The following STAT4 variants were observed in gnomAD, a reference collection of about 807,000 sequenced individuals.
The protein encoded by STAT4 is signal transducer and activator of transcription 4.
In STAT4, 42 loss-of-function variants were observed where a neutral mutation model predicts 110.5. The ratio of observed to expected loss-of-function variants is 0.38; its 90% CI spans 0.30 to 0.49. STAT4 has a LOEUF of 0.49. Ranked by LOEUF, STAT4 falls within the 20% of genes least tolerant of loss-of-function variation. The pLI is 0.95. For missense variants in STAT4, 632 were observed against 887.9 expected (o/e 0.71, Z 3.66); for synonymous variants, 284 against 302.2 (o/e 0.94, Z 0.63).
In STAT4 at chr2:191,086,046, C is replaced by T. The variant is rs1232453968; in HGVS notation, c.274-9721G>A. Among the ~76,000 whole-genome samples, 3 of 152,064 alleles carry T rather than the reference C, an allele frequency of 2.0e-5. No homozygotes were observed. Among genetic ancestry groups the T allele is most frequent in the Non-Finnish European group, 2.9e-5 (2 of 68,010 alleles). On this transcript the variant is annotated intron_variant, in intron 3 of 23. Transcript: ENST00000392320. This position sits in a 1 kb window ranked among gnomAD's most constrained non-coding sequence, Gnocchi z 5.5. ...ATTTGTGAGTATTCTTAATTTATGG[C>T]AATAGTTATTTTCATAAGTTCAATA...
At position 191,144,831 on chromosome 2, in the gene STAT4, C is replaced by T. The variant is rs1172504668; in HGVS notation, c.273+1782G>A. On this transcript the variant is annotated intron_variant, in intron 3 of 23. Transcript: ENST00000392320. The surrounding 1 kb of genome is among the most constrained non-coding windows in gnomAD (Gnocchi z 4.7). ...TTGCCAGAAGAAAAGCTCCAGACTT[C>T]CTCACAATTCCAAAAGGTAGATAAT... Among the ~76,000 whole-genome samples the T allele has an allele frequency of 2.0e-5, 3 of 152,104 alleles. No homozygotes were observed. The highest frequency in any genetic ancestry group is 7.2e-5 in the African/African-American group (3 of 41,410).
chr2:191,106,275 G>C (rs1213815850), intron 3 of STAT4, among the ~76,000 whole-genome samples: 2 of 151,868 alleles, frequency 1.3e-5, no homozygotes. Flanking sequence ...TAAATCACTA[G>C]GTACTTGGAA....
intron 3 of STAT4, chr2:191,131,364 T>C (rs1699032001): frequency 6.6e-6 from 1 of 152,142 alleles, no homozygotes; most frequent in African/African-American, 2.4e-5. Context: ...ATTCACACAA[T>C]GGTATACTAT....
At chr2:191,137,547 G>A (rs1047007589) in intron 3 of STAT4, among the ~76,000 whole-genome samples, 15 of 152,020 alleles carry the variant, frequency 9.9e-5, no homozygotes, top group Non-Finnish European at 1.3e-4. Context: ...ACCAAAAAGA[G>A]CCTGAAGAGC....
At chr2:191,098,954 T>G (rs1350764836) in intron 3 of STAT4, among the ~76,000 whole-genome samples, 1 of 151,610 alleles carries the variant, frequency 6.6e-6, no homozygotes, top group Non-Finnish European at 1.5e-5. Flanking sequence ...TAGTAATTCA[T>G]AAAAAATAAT....
At chr2:191,123,346 T>C (rs181930488) in intron 3 of STAT4, among the ~76,000 whole-genome samples, 29 of 152,304 alleles carry the variant, frequency 1.9e-4, no homozygotes, top group African/African-American at 7.0e-4. Flanking sequence ...TTGGACTCCC[T>C]TTCACTTTAG....
At chr2:191,145,906 C>T (rs1198204334) in intron 3 of STAT4, among the ~76,000 whole-genome samples, 1 of 152,040 alleles carries the variant, frequency 6.6e-6, no homozygotes, top group Admixed American at 6.5e-5. Context: ...TCTTTAGATC[C>T]CTGATTCACT....
Position 191,117,694 on chromosome 2 carries a change from G to A in STAT4, c.273+28919C>T, listed in dbSNP as rs1467130727. 6.6e-6 allele frequency among the ~76,000 whole-genome samples: 1 copy of A among 152,120 alleles called. No individual in the cohort carries two copies. On this transcript the variant is annotated intron_variant, in intron 3 of 23. Transcript: ENST00000392320. This position sits in a 1 kb window ranked among gnomAD's most constrained non-coding sequence, Gnocchi z 5.2. ...GAGGGCATTGCAAGCAATGAGTAGA[G>A]TCCATTCTAAGAATACAAAATACCC...
intron 16 of STAT4, among the ~76,000 whole-genome samples, chr2:191,038,199 G>T (rs114629909): frequency 0.024 from 3,580 of 152,088 alleles, 82 homozygotes; most frequent in Non-Finnish European, 0.029. Flanking sequence ...AGGGGCATTG[G>T]CTGTCCTTTG....
Position 191,039,226 on chromosome 2 carries a change from C to A in STAT4, c.1407G>T (p.Trp469Cys). ...QLPNAWASIIWYNVSTNDSQN... is the reference protein window; with the variant it reads ...QLPNAWASIICYNVSTNDSQN... ...GGGAATCGTTGGTTGACACGTTGTA[C>A]CAAATGATGGATGCCCAAGCATTAG... The change falls in exon 16 of 24, where the codon TGG (tryptophan) becomes TGT (cysteine). Residue 469 changes from tryptophan to cysteine, a missense_variant. Coordinates refer to ENST00000392320, the MANE Select transcript of STAT4 (RefSeq NM_003151.4). This position sits in a 1 kb window ranked among gnomAD's most constrained non-coding sequence, Gnocchi z 4.7. 6.2e-7 allele frequency: 1 copy of A among 1,614,118 alleles called. No individual in the cohort carries two copies. Among genetic ancestry groups the A allele is most frequent in the Non-Finnish European group, 8.5e-7 (1 of 1,180,008 alleles).
At position 191,077,538 on chromosome 2, in the gene STAT4, C is replaced by A. The variant is rs1349462074; in HGVS notation, c.274-1213G>T. ...TATGAAATGACCAAAAGGTTAGCAG[C>A]AGAAAAAATAAAACAAAAATCCACA... is the stretch of plus-strand genomic sequence containing the variant. On this transcript the variant is annotated intron_variant, in intron 3 of 23. Coordinates refer to ENST00000392320, the MANE Select transcript of STAT4 (RefSeq NM_003151.4). The surrounding 1 kb of genome is among the most constrained non-coding windows in gnomAD (Gnocchi z 4.1). Among the ~76,000 whole-genome samples, 8 of 151,574 alleles carry A rather than the reference C, an allele frequency of 5.3e-5. No homozygotes were observed. The highest frequency in any genetic ancestry group is 1.2e-4 in the Non-Finnish European group (8 of 67,832).
chr2:191,076,715 A>G (rs2459613), intron 3 of STAT4, among the ~76,000 whole-genome samples: 146,578 of 150,754 alleles, frequency 0.97, 71,395 homozygotes, highest in East Asian at 1. Flanking sequence ...GTAGAATCTC[A>G]GCTCACCACA....
At chr2:191,105,675 T>C (rs1197140615) in intron 3 of STAT4, among the ~76,000 whole-genome samples, 1 of 152,222 alleles carries the variant, frequency 6.6e-6, no homozygotes, top group Admixed American at 6.5e-5. Flanking sequence ...GTTTTAAAAA[T>C]TTAAAATCAG....
At chr2:191,045,073 A>G (rs750591199) in intron 14 of STAT4, among the ~76,000 whole-genome samples, 5 of 152,208 alleles carry the variant, frequency 3.3e-5, no homozygotes, top group Non-Finnish European at 7.3e-5. Flanking sequence ...ACATATGGAG[A>G]GCTGTAATAA....
intron 6 of STAT4, 31 bp downstream of exon 6, chr2:191,069,662 A>G (rs1231698007): frequency 6.5e-7 from 1 of 1,540,884 alleles, no homozygotes; most frequent in Admixed American, 1.8e-5. Flanking sequence ...TTTTGTCTCT[A>G]TGCATAATTA....
rs149697010 is a variant in STAT4, at chr2:191,031,181, T to A, written c.2112-101A>T. ...AACTCATTTCTAGGGCTTCATCTAT[T>A]TGTGACATTGAGTTATCTAATTCAT... On this transcript the variant is annotated intron_variant, in intron 22 of 23. Transcript: ENST00000392320. This position sits in a 1 kb window ranked among gnomAD's most constrained non-coding sequence, Gnocchi z 4.8. 6 of 1,212,524 alleles carry A rather than the reference T, an allele frequency of 4.9e-6. No individual in the cohort carries two copies. The highest frequency in any genetic ancestry group is 6.0e-6 in the Non-Finnish European group (5 of 834,156). The allele number at this position is 1,212,524 out of a possible 1,614,324, so 75.1% of individuals were successfully genotyped here. A position where few individuals can be genotyped will look rare whatever the true frequency, so the allele number is the denominator to read the frequency against.
At chr2:191,097,350 T>C (rs1043098191) in intron 3 of STAT4, among the ~76,000 whole-genome samples, 1 of 152,102 alleles carries the variant, frequency 6.6e-6, no homozygotes, top group South Asian at 2.1e-4. Context: ...GGAGGCATCA[T>C]GCTACCTGAC....
intron 18 of STAT4, 115 bp downstream of exon 18, chr2:191,034,433 A>AG: frequency 1.1e-6 from 1 of 896,134 alleles, no homozygotes; most frequent in Non-Finnish European, 1.8e-6. Context: ...AAAAAAAAAA[A>AG]AAAAAGAAAA....
Position 191,056,610 on chromosome 2 carries a change from A to G in STAT4, c.1206+1408T>C, listed in dbSNP as rs116616151. ...CTGTATTTATATATCATAGTTGTACATATTTTTGTGGTACATGTGATATTT... is the reference window on the plus strand; with the variant it reads ...CTGTATTTATATATCATAGTTGTACGTATTTTTGTGGTACATGTGATATTT... On this transcript the variant is annotated intron_variant, in intron 13 of 23. Transcript: ENST00000392320. Among the ~76,000 whole-genome samples, 509 of 152,206 alleles carry G rather than the reference A, an allele frequency of 3.3e-3. 5 individuals are homozygous for G. The highest frequency in any genetic ancestry group is 0.012 in the African/African-American group (486 of 41,510).
Sources: allele counts gnomAD v4.1 joint callset (sites outside exome capture counted in the v4.1 genomes callset), GRCh38; gene constraint gnomAD v4.1.1; non-coding constraint Gnocchi (gnomAD v3.1); transcripts MANE v1.5; gene names NCBI Gene and HGNC (gene_info 2026-07-23, HGNC 2026-07-21).